Variants in AGPAT3 observed in about 807,000 individuals in gnomAD.
The protein encoded by AGPAT3 is 1-acylglycerol-3-phosphate O-acyltransferase 3.
A neutral mutation model predicts 47.3 loss-of-function variants in AGPAT3; 5 were observed. The ratio of observed to expected loss-of-function variants is 0.11; its 90% CI spans 0.06 to 0.22. The LOEUF is 0.22. Among genes scored for constraint, AGPAT3 ranks in the 10% least tolerant of loss-of-function variants. The pLI, the probability that AGPAT3 is intolerant of heterozygous loss-of-function variation, is 1.00. For synonymous variants in AGPAT3, 212 were observed against 208.3 expected, an observed-to-expected ratio of 1.02 and a Z score of -0.15; for missense variants, 315 against 493.0, an observed-to-expected ratio of 0.64 and a Z score of 3.42.
At position 43,930,944 on chromosome 21, in the gene AGPAT3, C is replaced by T. The variant is rs1053046306; in HGVS notation, c.-49+26925C>T. 7.2e-5 allele frequency among the ~76,000 whole-genome samples: 11 copies of T among 152,100 alleles called. No individual in the cohort carries two copies. Among genetic ancestry groups the T allele is most frequent in the Admixed American group, 3.3e-4 (5 of 15,278 alleles). ...CAGATTGTTTTTATGGCCCCCACTA[C>T]GTGAGATCCTGGGGCAGGGGCTGTG... is the stretch of plus-strand genomic sequence containing the variant. On this transcript the variant is annotated intron_variant, in intron 2 of 9. Transcript: ENST00000291572. This position sits in a 1 kb window ranked among gnomAD's most constrained non-coding sequence, Gnocchi z 5.0.
At position 43,983,367 on chromosome 21, in the gene AGPAT3, T is replaced by C. The variant is rs535317899; in HGVS notation, c.*975T>C. 4.6e-5 allele frequency: 7 copies of C among 152,326 alleles called. No homozygotes were observed. In the South Asian group the frequency reaches 6.2e-4, roughly 14 times the overall value. The allele number at this position is 152,326 out of a possible 1,614,324, so 9.4% of individuals were successfully genotyped here. On this transcript the variant is annotated 3_prime_UTR_variant, in exon 10 of 10. Coordinates refer to ENST00000291572, the MANE Select transcript of AGPAT3 (RefSeq NM_020132.5). ...ACTGTTAACACTGAGCTCATTGACT[T>C]CTAGAGATTTTATTTTTACTGGTTG...
At position 43,970,291 on chromosome 21, in the gene AGPAT3, C is replaced by T. The variant is rs984344366; in HGVS notation, c.511-362C>T. On this transcript the variant is annotated intron_variant, in intron 5 of 9. Transcript: ENST00000291572. The surrounding 1 kb of genome is among the most constrained non-coding windows in gnomAD (Gnocchi z 5.8). ...AAAGTGCTGGGATTACAGGGGTGAG[C>T]CACCACGCCCGGCCTGCTGTTAACA... Among the ~76,000 whole-genome samples, 2 of 152,200 alleles carry T rather than the reference C, an allele frequency of 1.3e-5. No homozygotes were observed. Among genetic ancestry groups the T allele is most frequent in the African/African-American group, 4.8e-5 (2 of 41,440 alleles).
intron 2 of AGPAT3, among the ~76,000 whole-genome samples, chr21:43,912,280 G>A (rs1259316351): frequency 6.6e-6 from 1 of 152,244 alleles, no homozygotes; most frequent in Non-Finnish European, 1.5e-5. Context: ...CGAGCAAAGG[G>A]TGGGGCACAT....
At chr21:43,901,779 A>G (rs1456869512) in intron 1 of AGPAT3, among the ~76,000 whole-genome samples, 1 of 152,144 alleles carries the variant, frequency 6.6e-6, no homozygotes, top group Admixed American at 6.6e-5. Flanking sequence ...TCTCAAAAAG[A>G]AAAAAGACCC....
Position 43,982,728 on chromosome 21 carries a change from G to GT in AGPAT3, c.*341dup, listed in dbSNP as rs1273859104. On this transcript the variant is annotated 3_prime_UTR_variant, in exon 10 of 10. Transcript: ENST00000291572. The surrounding 1 kb of genome is among the most constrained non-coding windows in gnomAD (Gnocchi z 6.2). The stretch of plus-strand genomic sequence containing the variant: ...CCTTAAACTTAGATCAAATTTTTTG[G>GT]TTTTTAATCAGTTATCTTGGGAACT... The GT allele has an allele frequency of 1.0e-5, 2 of 195,444 alleles. No individual in the cohort carries two copies. Among genetic ancestry groups the GT allele is most frequent in the Non-Finnish European group, 2.1e-5 (2 of 96,078 alleles). 12.1% of individuals were successfully genotyped at this position (195,444 alleles called of 1,614,324 possible).
intron 1 of AGPAT3, among the ~76,000 whole-genome samples, chr21:43,887,757 T>A (rs942088000): frequency 2.6e-5 from 4 of 152,196 alleles, no homozygotes; most frequent in African/African-American, 7.2e-5. Flanking sequence ...CAGACTCAAG[T>A]GATTCTCCTG....
chr21:43,884,665 C>A (rs1195755237), intron 1 of AGPAT3, among the ~76,000 whole-genome samples: 1 of 151,240 alleles, frequency 6.6e-6, no homozygotes, highest in Admixed American at 6.6e-5. Context: ...CTGGGGTGGC[C>A]TGGTGCTGGA....
intron 2 of AGPAT3, among the ~76,000 whole-genome samples, chr21:43,909,829 G>A (rs1449740960): frequency 6.6e-6 from 1 of 152,150 alleles, no homozygotes; most frequent in Non-Finnish European, 1.5e-5. Context: ...GGGAGCACTG[G>A]GCCCCCGCCC....
intron 1 of AGPAT3, among the ~76,000 whole-genome samples, chr21:43,883,064 G>A (rs376539265): frequency 6.6e-5 from 10 of 152,354 alleles, no homozygotes; most frequent in African/African-American, 2.4e-4. Flanking sequence ...AAACTTAAGC[G>A]GGCAAATGCT....
chr21:43,935,923 C>G (rs1005092768), intron 2 of AGPAT3, among the ~76,000 whole-genome samples: 9 of 152,224 alleles, frequency 5.9e-5, no homozygotes, highest in African/African-American at 1.9e-4. Flanking sequence ...GCAAACAGAT[C>G]ATGCCAGGCT....
chr21:43,903,462 G>A (rs895795231), intron 1 of AGPAT3, among the ~76,000 whole-genome samples: 7 of 152,226 alleles, frequency 4.6e-5, no homozygotes, highest in African/African-American at 9.7e-5. Flanking sequence ...CCTGGTTGCC[G>A]GCAGGCAGGC....
At chr21:43,943,835 G>C (rs2087758223) in intron 2 of AGPAT3, among the ~76,000 whole-genome samples, 1 of 152,230 alleles carries the variant, frequency 6.6e-6, no homozygotes, top group Non-Finnish European at 1.5e-5. Flanking sequence ...TTTCAGCAAG[G>C]TCAGAAGCCT....
chr21:43,971,243 G>T, intron 6 of AGPAT3, 145 bp from the exon 7 acceptor site: 3 of 688,996 alleles, frequency 4.4e-6, no homozygotes, highest in Non-Finnish European at 7.6e-6. Context: ...AGAGGTCCTG[G>T]TGTGTTCTCC....
intron 3 of AGPAT3, among the ~76,000 whole-genome samples, chr21:43,961,675 CATAG>C (rs2088866708): frequency 6.6e-6 from 1 of 151,774 alleles, no homozygotes; most frequent in South Asian, 2.1e-4. Flanking sequence ...ATGGTGAGCG[CATAG>C]ATACTTTGTC....
At chr21:43,896,963 T>TTTTTTTTG in intron 1 of AGPAT3, among the ~76,000 whole-genome samples, 1 of 147,360 alleles carries the variant, frequency 6.8e-6, no homozygotes, top group Admixed American at 6.7e-5. Flanking sequence ...TTTTTTTTTT[T>TTTTTTTTG]TTTTTCAGTA....
At chr21:43,950,612 T>C (rs2088145686) in intron 2 of AGPAT3, 1 of 152,242 alleles carries the variant, frequency 6.6e-6, no homozygotes, top group Non-Finnish European at 1.5e-5. Flanking sequence ...AGTCACCGCA[T>C]TGTGCCCTCA....
chr21:43,963,298 G>A (rs1168280282), intron 3 of AGPAT3, among the ~76,000 whole-genome samples: 10 of 152,200 alleles, frequency 6.6e-5, no homozygotes, highest in Non-Finnish European at 8.8e-5. Flanking sequence ...GGATGCCTGA[G>A]GACCTCCTGA....
chr21:43,956,556 A>T lies in AGPAT3; in HGVS notation c.-48-3078A>T, dbSNP rs556044513. 2.0e-5 allele frequency among the ~76,000 whole-genome samples: 3 copies of T among 152,306 alleles called. No individual in the cohort carries two copies. The East Asian group carries it at 5.8e-4, about 29-fold the overall frequency. Reference sequence around the variant, plus strand: ...CTTGTCTTTTCTGTCCTTTCTGTCTAGGGTATTAATTTCCTGTTGCTGCTT... The same window carrying T: ...CTTGTCTTTTCTGTCCTTTCTGTCTTGGGTATTAATTTCCTGTTGCTGCTT... On this transcript the variant is annotated intron_variant, in intron 2 of 9. Transcript: ENST00000291572.
At chr21:43,911,159 T>G (rs752867180) in intron 2 of AGPAT3, among the ~76,000 whole-genome samples, 3 of 152,240 alleles carry the variant, frequency 2.0e-5, no homozygotes, top group Non-Finnish European at 2.9e-5. Context: ...CTGACTTTAA[T>G]TTGTCTTGGA....
Sources: gnomAD v4.1 joint callset for allele counts (sites outside exome capture counted in the v4.1 genomes callset) on GRCh38, gnomAD v4.1.1 for gene constraint, Gnocchi (gnomAD v3.1) non-coding constraint, MANE v1.5 for transcripts, NCBI Gene and HGNC (gene_info 2026-07-23, HGNC 2026-07-21) for gene names.